The following YPEL1 variants were observed in gnomAD, a reference collection of about 807,000 sequenced individuals.
YPEL1 encodes the protein yippee like 1.
In YPEL1, 7 loss-of-function variants were observed where a neutral mutation model predicts 17.3. The ratio of observed to expected loss-of-function variants is 0.40; its 90% CI spans 0.23 to 0.76. YPEL1 has a LOEUF of 0.76. Ranked by LOEUF, YPEL1 falls within the 30% of genes least tolerant of loss-of-function variation. The probability of loss-of-function intolerance (pLI) is 0.35; values close to 1 mark genes in which losing one functional copy is unlikely to be tolerated. For synonymous variants in YPEL1, 59 were observed against 59.6 expected (o/e 0.99, Z 0.05); for missense variants, 91 against 155.5 (o/e 0.59, Z 2.21).
intron 1 of YPEL1, among the ~76,000 whole-genome samples, chr22:21,715,910 G>A (rs1016796426): frequency 6.6e-6 from 1 of 152,094 alleles, no homozygotes; most frequent in Non-Finnish European, 1.5e-5. Flanking sequence ...TTACAGGCAT[G>A]CGCCACCACA....
chr22:21,713,733 G>A (rs191805252), intron 1 of YPEL1, among the ~76,000 whole-genome samples: 297 of 152,278 alleles, frequency 2.0e-3, no homozygotes, highest in Admixed American at 3.1e-3. Flanking sequence ...TAAGAGTTAT[G>A]TGTACTGACT....
At chr22:21,734,015 G>C (rs192046374) in intron 1 of YPEL1, among the ~76,000 whole-genome samples, 4 of 152,264 alleles carry the variant, frequency 2.6e-5, no homozygotes, top group Admixed American at 2.6e-4. Context: ...AGGAGTTCAA[G>C]ACCAGCCTGG....
rs1467874530 is a variant in YPEL1 at position 21,735,741 on chromosome 22, G to C, written c.-291C>G. ...CGCTGAGGCCGTTAACGCCTAGGCA[G>C]GGCGCGAGGCATCCTCCCGCCGCCG... On this transcript the variant is annotated 5_prime_UTR_variant, in exon 1 of 5. Transcript: ENST00000339468. 3 of 151,066 alleles carry C rather than the reference G, an allele frequency of 2.0e-5. No homozygotes were observed. The East Asian group carries it at 5.8e-4, about 29-fold the overall frequency. 9.4% of individuals were successfully genotyped at this position (151,066 alleles called of 1,614,324 possible).
intron 4 of YPEL1, among the ~76,000 whole-genome samples, chr22:21,702,834 A>G (rs1406358795): frequency 6.6e-6 from 1 of 152,218 alleles, no homozygotes; most frequent in Non-Finnish European, 1.5e-5. Flanking sequence ...AGGCCAGATC[A>G]GCCATGTGGT....
At position 21,700,976 on chromosome 22, in the gene YPEL1, C is replaced by G; in HGVS notation, c.*153G>C. 1.7e-6 allele frequency: 1 copy of G among 604,476 alleles called. No individual in the cohort carries two copies. The highest frequency in any genetic ancestry group is 2.8e-5 in the East Asian group (1 of 35,860). The allele number at this position is 604,476 out of a possible 1,614,324, so 37.4% of individuals were successfully genotyped here. A position where few individuals can be genotyped will look rare whatever the true frequency, so the allele number is the denominator to read the frequency against. On this transcript the variant is annotated 3_prime_UTR_variant, in exon 5 of 5. Coordinates refer to ENST00000339468, the MANE Select transcript of YPEL1 (RefSeq NM_013313.5). ...AGGACAGATCCGAGGGACACCTTAC[C>G]CACAGAGATGGCCGAGAGTGTCAAG...
chr22:21,728,463 C>T (rs1004000720), intron 1 of YPEL1, among the ~76,000 whole-genome samples: 10 of 152,190 alleles, frequency 6.6e-5, no homozygotes, highest in East Asian at 5.8e-4. Context: ...GCTCACCATA[C>T]AAGAATCGCA....
chr22:21,724,015 A>C (rs2148612281), intron 1 of YPEL1, among the ~76,000 whole-genome samples: 1 of 152,086 alleles, frequency 6.6e-6, no homozygotes, highest in South Asian at 2.1e-4. Flanking sequence ...TGTCCATTTT[A>C]TTAATCTTCA....
At chr22:21,712,384 A>AC (rs546180670) in intron 1 of YPEL1, among the ~76,000 whole-genome samples, 6 of 149,036 alleles carry the variant, frequency 4.0e-5, no homozygotes, top group Non-Finnish European at 8.9e-5. Context: ...AAAAAAAAAA[A>AC]ACAACTACAA....
At chr22:21,705,618 C>G (rs1461593990) in intron 2 of YPEL1, among the ~76,000 whole-genome samples, 33 of 152,144 alleles carry the variant, frequency 2.2e-4, no homozygotes, top group Non-Finnish European at 3.8e-4. Flanking sequence ...CCAGCAGTCC[C>G]ACTTCTAAGA....
At chr22:21,714,980 A>G (rs977810161) in intron 1 of YPEL1, among the ~76,000 whole-genome samples, 7 of 152,160 alleles carry the variant, frequency 4.6e-5, no homozygotes, top group Admixed American at 3.9e-4. Flanking sequence ...ATTAAGCCAT[A>G]TCGGTCGTGG....
At chr22:21,710,545 A>G in intron 2 of YPEL1, 83 bp downstream of exon 2, 1 of 1,188,056 alleles carries the variant, frequency 8.4e-7, no homozygotes, top group Non-Finnish European at 1.3e-6. Flanking sequence ...AAGTCATGTG[A>G]TGCTTAAATA....
chr22:21,704,525 C>T lies in YPEL1; in HGVS notation c.118-643G>A, dbSNP rs111311255. On this transcript the variant is annotated intron_variant, in intron 2 of 4. Coordinates refer to ENST00000339468, the MANE Select transcript of YPEL1 (RefSeq NM_013313.5). ...TACAAAAGTTAGCTGGGCGTGGTGGCGGGCACCAGTAACCCCAGCTACTTG... is the reference window on the plus strand; with the variant it reads ...TACAAAAGTTAGCTGGGCGTGGTGGTGGGCACCAGTAACCCCAGCTACTTG... Among the ~76,000 whole-genome samples, 504 of 152,054 alleles carry T rather than the reference C, an allele frequency of 3.3e-3. 2 individuals carry two copies. Among genetic ancestry groups the T allele is most frequent in the South Asian group, 9.5e-3 (46 of 4,818 alleles).
chr22:21,700,974 A>T lies in YPEL1; in HGVS notation c.*155T>A. On this transcript the variant is annotated 3_prime_UTR_variant, in exon 5 of 5. Coordinates refer to ENST00000339468, the MANE Select transcript of YPEL1 (RefSeq NM_013313.5). ...AGAGGACAGATCCGAGGGACACCTTACCCACAGAGATGGCCGAGAGTGTCA... is the reference window on the plus strand; with the variant it reads ...AGAGGACAGATCCGAGGGACACCTTTCCCACAGAGATGGCCGAGAGTGTCA... 1 of 601,590 alleles carries T rather than the reference A, an allele frequency of 1.7e-6. No individual in the cohort carries two copies. The highest frequency in any genetic ancestry group is 3.0e-6 in the Non-Finnish European group (1 of 338,820). 37.3% of individuals were successfully genotyped at this position (601,590 alleles called of 1,614,324 possible).
chr22:21,713,345 C>T (rs1014818630), intron 1 of YPEL1, among the ~76,000 whole-genome samples: 2 of 152,130 alleles, frequency 1.3e-5, no homozygotes, highest in African/African-American at 2.4e-5. Context: ...ACAACAGCCA[C>T]GAGGGGGAAG....
In YPEL1 at chr22:21,704,584, G is replaced by C. The variant is rs117304124; in HGVS notation, c.118-702C>G. On this transcript the variant is annotated intron_variant, in intron 2 of 4. Coordinates refer to ENST00000339468, the MANE Select transcript of YPEL1 (RefSeq NM_013313.5). ...AAATAGGAGAATCACTTAAACCCGG[G>C]AGGTGGAGGCTACAGTGAGCCAAGA... Among the ~76,000 whole-genome samples the C allele has an allele frequency of 5.6e-4, 85 of 151,706 alleles. 1 individual carries two copies. The East Asian group carries it at 0.014, about 25-fold the overall frequency.
intron 2 of YPEL1, among the ~76,000 whole-genome samples, chr22:21,705,590 AAG>A (rs199525827): frequency 0.011 from 1,680 of 152,296 alleles, 17 homozygotes; most frequent in South Asian, 0.038. Flanking sequence ...GAAGTGGAAA[AAG>A]CACACACTAT....
chr22:21,724,182 C>T (rs1433272226), intron 1 of YPEL1, among the ~76,000 whole-genome samples: 4 of 152,098 alleles, frequency 2.6e-5, no homozygotes, highest in Non-Finnish European at 5.9e-5. Flanking sequence ...GCACAGGCTC[C>T]GTGTACCTCC....
At chr22:21,720,076 G>C (rs1453977585) in intron 1 of YPEL1, among the ~76,000 whole-genome samples, 3 of 150,230 alleles carry the variant, frequency 2.0e-5, no homozygotes, top group East Asian at 4.0e-4. Flanking sequence ...TACTTGGGAG[G>C]CTGAGGCAGG....
intron 1 of YPEL1, among the ~76,000 whole-genome samples, chr22:21,719,303 G>A (rs1209990917): frequency 2.6e-5 from 4 of 152,162 alleles, no homozygotes; most frequent in Non-Finnish European, 2.9e-5. Context: ...GGAAGGAAGC[G>A]TTCTGACTTC....
Sources: gnomAD v4.1 joint callset for allele counts (sites outside exome capture counted in the v4.1 genomes callset) on GRCh38, gnomAD v4.1.1 for gene constraint, MANE v1.5 for transcripts, NCBI Gene and HGNC (gene_info 2026-07-23, HGNC 2026-07-21) for gene names.